The following GAPVD1 variants were observed in gnomAD, a reference collection of about 807,000 sequenced individuals.
GAPVD1 encodes the protein GTPase-activating protein and VPS9 domain-containing protein 1.
Under a neutral mutation model 155.5 loss-of-function variants are expected in GAPVD1, and 35 were observed. That is an observed-to-expected ratio of 0.23 (90% CI 0.17 to 0.30). The LOEUF (loss-of-function observed/expected upper bound fraction) is 0.30. Ranked by LOEUF, GAPVD1 falls within the 10% of genes least tolerant of loss-of-function variation. GAPVD1 has a pLI of 1.00. For synonymous variants in GAPVD1, 636 were observed against 619.7 expected (o/e 1.03, Z -0.39); for missense variants, 1,429 against 1,775.7 (o/e 0.80, Z 3.51).
intron 6 of GAPVD1, among the ~76,000 whole-genome samples, chr9:125,305,828 T>G (rs1481154535): frequency 6.6e-6 from 1 of 152,058 alleles, no homozygotes; most frequent in African/African-American, 2.4e-5. Flanking sequence ...TAAGTGTTTT[T>G]ATTGTTATAG....
chr9:125,335,657 C>T (rs1365009308), intron 15 of GAPVD1, among the ~76,000 whole-genome samples: 1 of 152,008 alleles, frequency 6.6e-6, no homozygotes, highest in Non-Finnish European at 1.5e-5. Context: ...ACCCTGGTGA[C>T]AGAGTGAGAC....
At chr9:125,330,287 C>T in intron 13 of GAPVD1, 69 bp downstream of exon 13, 5 of 1,002,502 alleles carry the variant, frequency 5.0e-6, no homozygotes, top group South Asian at 1.8e-5. Context: ...GGTATCCCAA[C>T]TCTGTATTAT....
intron 2 of GAPVD1, among the ~76,000 whole-genome samples, chr9:125,290,255 A>G (rs1166455732): frequency 6.6e-6 from 1 of 152,114 alleles, no homozygotes; most frequent in Admixed American, 6.6e-5. Context: ...TTCTTTTTGT[A>G]TAAGATGAAA....
At chr9:125,296,006 T>C (rs1235063187) in intron 3 of GAPVD1, among the ~76,000 whole-genome samples, 2 of 152,196 alleles carry the variant, frequency 1.3e-5, no homozygotes, top group Admixed American at 1.3e-4. Flanking sequence ...CCCCATTTTT[T>C]AATTATGAAA....
chr9:125,324,709 A>G (rs763071786), intron 11 of GAPVD1, among the ~76,000 whole-genome samples: 8 of 152,296 alleles, frequency 5.3e-5, no homozygotes, highest in Non-Finnish European at 8.8e-5. Flanking sequence ...AGCATAAGCA[A>G]GTCAAAGAGG....
intron 6 of GAPVD1, among the ~76,000 whole-genome samples, chr9:125,305,371 GTTTTTTTTTT>G (rs34474690): frequency 9.0e-6 from 1 of 111,578 alleles, no homozygotes; most frequent in Admixed American, 9.1e-5. Context: ...ATTTTAAAAA[GTTTTTTTTTT>G]TTTTTTTTTT....
intron 2 of GAPVD1, among the ~76,000 whole-genome samples, chr9:125,286,295 T>C (rs1306905046): frequency 6.7e-6 from 1 of 148,992 alleles, no homozygotes; most frequent in Admixed American, 6.6e-5. Flanking sequence ...TTTATTGTTG[T>C]TGTTTTCTTT....
At chr9:125,317,336 C>T (rs561260693) in intron 9 of GAPVD1, among the ~76,000 whole-genome samples, 9 of 149,226 alleles carry the variant, frequency 6.0e-5, no homozygotes, top group African/African-American at 2.2e-4. Context: ...AAAAAGAAAA[C>T]GTCCTTGATG....
rs780228336 is a variant in GAPVD1 at position 125,350,371 on chromosome 9, A to G, written c.3376A>G (p.Arg1126Gly). 6.2e-7 allele frequency: 1 copy of G among 1,608,404 alleles called. No individual in the cohort carries two copies. The highest frequency in any genetic ancestry group is 8.5e-7 in the Non-Finnish European group (1 of 1,177,354). ...CTTCCCAGTGCTGACCCATTCAACA[A>G]GGAATGGTTTACCAGACCACACAGA... ...VAFPVLTHST[R>G]NGLPDHTDPE... The change falls in exon 22 of 28, where the codon AGG becomes GGG. Residue 1126 changes from arginine to glycine, a missense_variant. Physicochemically the swap from Arg to Gly is moderately radical, Grantham distance 125. Around this residue, in one of 4 missense-constraint regions of GAPVD1, gnomAD observed 699 missense variants for 826.0 expected, o/e 0.85. Coordinates refer to ENST00000297933, the MANE Select transcript of GAPVD1 (RefSeq NM_001282680.3).
chr9:125,305,410 G>A (rs994687524), intron 6 of GAPVD1, among the ~76,000 whole-genome samples: 4 of 134,458 alleles, frequency 3.0e-5, no homozygotes, highest in African/African-American at 5.8e-5. Flanking sequence ...GTCTCGCTCC[G>A]TCGCCCAGGC....
intron 2 of GAPVD1, among the ~76,000 whole-genome samples, chr9:125,275,776 A>C (rs752465762): frequency 3.9e-5 from 6 of 152,134 alleles, no homozygotes; most frequent in Non-Finnish European, 8.8e-5. Flanking sequence ...ATAAAAAGAC[A>C]ATCTTGTTTA....
At chr9:125,279,018 C>A (rs1277560403) in intron 2 of GAPVD1, among the ~76,000 whole-genome samples, 3 of 151,850 alleles carry the variant, frequency 2.0e-5, no homozygotes, top group Non-Finnish European at 4.4e-5. Flanking sequence ...TTGAGACCAG[C>A]CTGGCCAATA....
At chr9:125,337,986 C>G (rs1847280556) in intron 17 of GAPVD1, among the ~76,000 whole-genome samples, 1 of 152,208 alleles carries the variant, frequency 6.6e-6, no homozygotes. Context: ...AGCGATTCCT[C>G]TGCCTCAGCC....
chr9:125,311,056 G>T lies in GAPVD1; in HGVS notation c.1442-1396G>T, dbSNP rs1250790017. 2.6e-5 allele frequency among the ~76,000 whole-genome samples: 4 copies of T among 151,540 alleles called. No individual in the cohort carries two copies. In the East Asian group the frequency reaches 5.8e-4, roughly 22 times the overall value. ...GGGTTTCACCATGTTGGCCAGGCTG[G>T]TCTCAAACTCCCGACCTCAGGTGAT... On this transcript the variant is annotated intron_variant, in intron 8 of 27. Coordinates refer to ENST00000297933, the MANE Select transcript of GAPVD1 (RefSeq NM_001282680.3).
chr9:125,284,339 C>T (rs545794485), intron 2 of GAPVD1, among the ~76,000 whole-genome samples: 1 of 151,690 alleles, frequency 6.6e-6, no homozygotes, highest in East Asian at 1.9e-4. Flanking sequence ...CCACCATGCC[C>T]AGCTAATTTT....
At chr9:125,328,936 C>T (rs1240722868) in intron 12 of GAPVD1, among the ~76,000 whole-genome samples, 6 of 152,316 alleles carry the variant, frequency 3.9e-5, no homozygotes, top group Admixed American at 2.6e-4. Context: ...GGCTGGAGAC[C>T]GCCCGGCCAA....
At chr9:125,322,078 T>G (rs1302113347) in intron 10 of GAPVD1, among the ~76,000 whole-genome samples, 1 of 152,146 alleles carries the variant, frequency 6.6e-6, no homozygotes, top group Admixed American at 6.6e-5. Flanking sequence ...CCAATTTTTT[T>G]TTTTTGAGAC....
At chr9:125,330,281 TCCCAA>T in intron 13 of GAPVD1, 63 bp downstream of exon 13, 1 of 1,106,676 alleles carries the variant, frequency 9.0e-7, no homozygotes, top group Non-Finnish European at 1.3e-6. Context: ...ATGCAAGGTA[TCCCAA>T]CTCTGTATTA....
chr9:125,281,846 G>A (rs1430092596), intron 2 of GAPVD1, among the ~76,000 whole-genome samples: 4 of 150,612 alleles, frequency 2.7e-5, no homozygotes, highest in East Asian at 2.0e-4. Flanking sequence ...ATGGAGTCTC[G>A]CTCTGTCACC....
Sources: gnomAD v4.1 joint callset for allele counts (sites outside exome capture counted in the v4.1 genomes callset) on GRCh38, gnomAD v4.1.1 for gene constraint, gnomAD v4.1.1 regional missense constraint, MANE v1.5 for transcripts, NCBI Gene and HGNC (gene_info 2026-07-23, HGNC 2026-07-21) for gene names.